Variants in LTBP1 observed in about 807,000 individuals in gnomAD.
LTBP1 encodes latent-transforming growth factor beta-binding protein 1.
In LTBP1, 129 loss-of-function variants were observed where a neutral mutation model predicts 207.6. The observed-to-expected ratio is 0.62, with a 90% CI of 0.54 to 0.72. The LOEUF is 0.72. Ranked by LOEUF, LTBP1 falls within the 30% of genes least tolerant of loss-of-function variation. LTBP1 has a pLI of 0.00. For synonymous variants in LTBP1, 963 were observed against 833.7 expected (o/e 1.16, Z -2.67); for missense variants, 2,281 against 2,217.2 (o/e 1.03, Z -0.58).
chr2:33,286,849 C>G (rs1054277964), intron 19 of LTBP1, among the ~76,000 whole-genome samples: 5 of 152,170 alleles, frequency 3.3e-5, no homozygotes, highest in African/African-American at 9.7e-5. Context: ...CCAAACACCG[C>G]ATGTTCTCAC....
intron 3 of LTBP1, among the ~76,000 whole-genome samples, chr2:33,038,166 T>G (rs180745826): frequency 6.6e-6 from 1 of 152,256 alleles, no homozygotes; most frequent in African/African-American, 2.4e-5. Context: ...ACTTTTTAAT[T>G]TGAATGCCAA....
chr2:33,125,500 G>A (rs1202879540), intron 4 of LTBP1, among the ~76,000 whole-genome samples: 1 of 152,128 alleles, frequency 6.6e-6, no homozygotes, highest in South Asian at 2.1e-4. Flanking sequence ...TGTTATGTGT[G>A]TGTATGTTTA....
intron 3 of LTBP1, among the ~76,000 whole-genome samples, chr2:33,032,070 A>T (rs2075714450): frequency 6.6e-6 from 1 of 152,208 alleles, no homozygotes; most frequent in African/African-American, 2.4e-5. Flanking sequence ...CAGTCAAGAA[A>T]ATAATTCCTT....
At chr2:33,013,589 A>AT (rs1325851462) in intron 2 of LTBP1, among the ~76,000 whole-genome samples, 1 of 152,004 alleles carries the variant, frequency 6.6e-6, no homozygotes, top group Non-Finnish European at 1.5e-5. Context: ...AATGCCTGTG[A>AT]TTAAAAAAAG....
chr2:33,234,158 A>G (rs2091926946), intron 9 of LTBP1, among the ~76,000 whole-genome samples: 4 of 152,128 alleles, frequency 2.6e-5, no homozygotes, highest in Admixed American at 2.0e-4. Flanking sequence ...GAAAATATCC[A>G]TTGATGTTTT....
rs1553316521 is a variant in LTBP1, at chr2:33,382,111, T to TTTTTTTTTTTTTTTTTTTTTG, written c.4712-7072_4712-7071insTTTTTTTTTTTTTTTTTTTGT. On this transcript the variant is annotated intron_variant, in intron 31 of 33. Transcript: ENST00000404816. ...TTTTTTTTTTTTTTTTTTTTTTTTT[T>TTTTTTTTTTTTTTTTTTTTTG]TGAGACAGAGTCTCGCTCTGTTGCC... Among the ~76,000 whole-genome samples the TTTTTTTTTTTTTTTTTTTTTG allele has an allele frequency of 1.2e-4, 12 of 103,652 alleles. 4 individuals carry two copies. The highest frequency in any genetic ancestry group is 5.3e-4 in the African/African-American group (11 of 20,682). 68.0% of individuals were successfully genotyped at this position (103,652 alleles called of 152,430 possible).
intron 2 of LTBP1, among the ~76,000 whole-genome samples, chr2:33,015,280 T>TC (rs1330257162): frequency 1.8e-4 from 27 of 152,352 alleles, no homozygotes; most frequent in African/African-American, 6.5e-4. Context: ...TGGAAAAACA[T>TC]CTGCTTTGAA....
chr2:33,000,574 G>A (rs1685946048), intron 2 of LTBP1, among the ~76,000 whole-genome samples: 1 of 135,396 alleles, frequency 7.4e-6, no homozygotes, highest in Non-Finnish European at 1.6e-5. Flanking sequence ...TGGGCCTCCA[G>A]CCTCTCCCAC....
Position 33,363,418 on chromosome 2 carries a change from A to G in LTBP1, c.4299A>G (p.Gln1433=), listed in dbSNP as rs2094948670. ...KDADECLLFG[Q]EICKNGFCLN... Reference sequence around the variant, plus strand: ...CAGATGAATGCCTACTTTTTGGACAAGAAATCTGCAAAAATGGTTTCTGTT... The same window carrying G: ...CAGATGAATGCCTACTTTTTGGACAGGAAATCTGCAAAAATGGTTTCTGTT... Residue 1433 remains glutamine (Q), a synonymous_variant, in exon 29 of 34, where the codon CAA becomes CAG. Coordinates refer to ENST00000404816, the MANE Select transcript of LTBP1 (RefSeq NM_206943.4). 1.2e-6 allele frequency: 2 copies of G among 1,613,772 alleles called. No homozygotes were observed. The highest frequency in any genetic ancestry group is 2.7e-5 in the African/African-American group (2 of 74,924).
chr2:33,101,236 A>G (rs1315037126), intron 3 of LTBP1, among the ~76,000 whole-genome samples: 1 of 152,174 alleles, frequency 6.6e-6, no homozygotes, highest in Non-Finnish European at 1.5e-5. Context: ...CTCATTGTTT[A>G]CAAATAACTT....
intron 31 of LTBP1, among the ~76,000 whole-genome samples, chr2:33,369,984 C>T (rs2095047385): frequency 1.3e-5 from 2 of 151,948 alleles, no homozygotes; most frequent in African/African-American, 2.4e-5. Flanking sequence ...AGCACATGTG[C>T]CCCAGAACCA....
intron 15 of LTBP1, among the ~76,000 whole-genome samples, chr2:33,266,310 G>C (rs905853609): frequency 2.0e-5 from 3 of 152,252 alleles, no homozygotes; most frequent in African/African-American, 7.2e-5. Flanking sequence ...CTGAGGGTAA[G>C]CTGAGGGTAG....
chr2:33,073,883 T>C (rs1308010406), intron 3 of LTBP1, among the ~76,000 whole-genome samples: 3 of 152,216 alleles, frequency 2.0e-5, no homozygotes, highest in African/African-American at 7.2e-5. Context: ...CGCCTCGGCC[T>C]CCCGAAGTGC....
rs543155111 is a variant in LTBP1 at position 33,342,253 on chromosome 2, G to C, written c.3731-585G>C. 2.0e-5 allele frequency among the ~76,000 whole-genome samples: 3 copies of C among 152,302 alleles called. No homozygotes were observed. In the South Asian group the frequency reaches 6.2e-4, roughly 32 times the overall value. ...GCCAATCAGCTGGAGCAGCCTGGAC[G>C]GTTAGGACCTTGAATGGCTGTAAAT... On this transcript the variant is annotated intron_variant, in intron 24 of 33. Transcript: ENST00000404816.
intron 2 of LTBP1, among the ~76,000 whole-genome samples, chr2:33,010,382 G>A (rs966022621): frequency 1.3e-5 from 2 of 152,172 alleles, no homozygotes; most frequent in Non-Finnish European, 1.5e-5. Flanking sequence ...GGGTGTGTGG[G>A]GGGGATGAAG....
intron 7 of LTBP1, among the ~76,000 whole-genome samples, chr2:33,189,576 C>G (rs1177062874): frequency 6.6e-6 from 1 of 152,248 alleles, no homozygotes; most frequent in African/African-American, 2.4e-5. Flanking sequence ...ATGTGTCAGG[C>G]GTGAGATATG....
chr2:33,171,611 A>G (rs1253871491), intron 5 of LTBP1, among the ~76,000 whole-genome samples: 1 of 151,752 alleles, frequency 6.6e-6, no homozygotes, highest in Non-Finnish European at 1.5e-5. Flanking sequence ...GAACTTCCCC[A>G]ATCTAGCAAG....
At position 33,360,778 on chromosome 2, in the gene LTBP1, T is replaced by G. The variant is rs145486055; in HGVS notation, c.4182T>G (p.Thr1394=). 8.7e-6 allele frequency: 14 copies of G among 1,613,732 alleles called. No homozygotes were observed. The highest frequency in any genetic ancestry group is 1.2e-5 in the Non-Finnish European group (14 of 1,179,634). Residue 1394 remains threonine, a splice_region_variant and synonymous_variant, in exon 27 of 34, where the codon ACT becomes ACG. Transcript: ENST00000404816. ...TCTTCCCCTGCCCGGTCTTGGGAACTGGTAAGAATCCGCTTAGTGGTAGAG... is the reference window on the plus strand; with the variant it reads ...TCTTCCCCTGCCCGGTCTTGGGAACGGGTAAGAATCCGCTTAGTGGTAGAG... ...CEIFPCPVLG[T]AEFTEMCPKG... is the part of the protein sequence containing the mutation.
chr2:33,103,599 G>T (rs182716593), intron 3 of LTBP1, among the ~76,000 whole-genome samples: 94 of 139,798 alleles, frequency 6.7e-4, no homozygotes, highest in South Asian at 1.5e-3. Flanking sequence ...GTGTGTGTGT[G>T]TGTGTGTGTG....
Sources: gnomAD v4.1 joint callset for allele counts (sites outside exome capture counted in the v4.1 genomes callset) on GRCh38, gnomAD v4.1.1 for gene constraint, MANE v1.5 for transcripts, NCBI Gene and HGNC (gene_info 2026-07-23, HGNC 2026-07-21) for gene names.